ZNF578: variants seen among roughly 807,000 people sequenced by gnomAD.
ZNF578 encodes zinc finger protein 578, also known as Putative chemokine-related protein B42.
Under a neutral mutation model 8.3 loss-of-function variants are expected in ZNF578, and 8 were observed. The ratio of observed to expected loss-of-function variants is 0.96; its 90% CI spans 0.56 to 1.74. The LOEUF (loss-of-function observed/expected upper bound fraction) is 1.74, where lower values mean the gene tolerates loss of function less well. Ranked by LOEUF, ZNF578 falls within the 40% of genes most tolerant of loss-of-function variation. The pLI, the probability that ZNF578 is intolerant of heterozygous loss-of-function variation, is 0.00. For synonymous variants in ZNF578, 206 were observed against 232.2 expected (o/e 0.89, Z 1.03); for missense variants, 726 against 707.5 (o/e 1.03, Z -0.30).
At chr19:52,478,346 T>A (rs2059314520) in intron 2 of ZNF578, among the ~76,000 whole-genome samples, 1 of 152,200 alleles carries the variant, frequency 6.6e-6, no homozygotes, top group South Asian at 2.1e-4. Flanking sequence ...GGGCTATTTG[T>A]ATCGGGCCTT....
intron 2 of ZNF578, among the ~76,000 whole-genome samples, chr19:52,481,007 A>G (rs1350023681): frequency 6.6e-6 from 1 of 151,962 alleles, no homozygotes; most frequent in African/African-American, 2.4e-5. Flanking sequence ...CAGGATTTGC[A>G]GGGAATTGAG....
intron 4 of ZNF578, among the ~76,000 whole-genome samples, chr19:52,502,770 T>C (rs1315011233): frequency 3.3e-5 from 5 of 152,100 alleles, no homozygotes; most frequent in African/African-American, 1.2e-4. Flanking sequence ...AAGGTGTCGC[T>C]CTGTGGCTTA....
At chr19:52,479,352 G>A (rs754441614) in intron 2 of ZNF578, among the ~76,000 whole-genome samples, 43 of 151,928 alleles carry the variant, frequency 2.8e-4, no homozygotes, top group Admixed American at 3.9e-4. Context: ...TGGCTAATGC[G>A]GTGAAACCCC....
chr19:52,508,205 C>T (rs554530989), intron 5 of ZNF578, among the ~76,000 whole-genome samples: 7 of 151,288 alleles, frequency 4.6e-5, no homozygotes, highest in East Asian at 2.0e-4. Flanking sequence ...ATTTTCTGTG[C>T]GTGGTGGTGC....
chr19:52,459,749 G>A (rs78661613), intron 2 of ZNF578, among the ~76,000 whole-genome samples: 109 of 7,886 alleles, frequency 0.014, 2 homozygotes, highest in Middle Eastern at 0.1. Context: ...GTGTGTGTGT[G>A]TGTATATATA....
intron 2 of ZNF578, among the ~76,000 whole-genome samples, chr19:52,463,151 T>G (rs1019884916): frequency 3.9e-5 from 6 of 152,348 alleles, no homozygotes; most frequent in Admixed American, 3.3e-4. Flanking sequence ...TTGAGAATTA[T>G]AGGGGATACT....
At chr19:52,496,924 G>A (rs1036072422) in intron 3 of ZNF578, among the ~76,000 whole-genome samples, 43 of 150,766 alleles carry the variant, frequency 2.9e-4, no homozygotes, top group Admixed American at 5.3e-4. Context: ...GGCATGAGCC[G>A]CCGCGCCCAG....
At chr19:52,508,099 C>G (rs571056324) in intron 5 of ZNF578, among the ~76,000 whole-genome samples, 1 of 152,004 alleles carries the variant, frequency 6.6e-6, no homozygotes, top group Non-Finnish European at 1.5e-5. Flanking sequence ...GTAATCCCAG[C>G]ACTTTGGGAG....
intron 2 of ZNF578, among the ~76,000 whole-genome samples, chr19:52,477,275 T>C (rs544465603): frequency 1.3e-5 from 2 of 152,330 alleles, no homozygotes; most frequent in East Asian, 3.9e-4. Context: ...CTGGTGTTCC[T>C]GGGGTGAGGG....
intron 3 of ZNF578, among the ~76,000 whole-genome samples, chr19:52,497,237 T>C (rs2059390276): frequency 6.6e-6 from 1 of 152,198 alleles, no homozygotes; most frequent in South Asian, 2.1e-4. Flanking sequence ...GTAGCTGGGA[T>C]TACAGACGCC....
At chr19:52,492,061 G>C (rs898857493) in intron 3 of ZNF578, among the ~76,000 whole-genome samples, 2 of 149,060 alleles carry the variant, frequency 1.3e-5, no homozygotes, top group African/African-American at 4.9e-5. Flanking sequence ...CAAAGGCTGA[G>C]GCAGGAGAAT....
At chr19:52,488,776 G>A (rs1455665478) in intron 2 of ZNF578, among the ~76,000 whole-genome samples, 1 of 148,964 alleles carries the variant, frequency 6.7e-6, no homozygotes, top group Admixed American at 6.7e-5. Flanking sequence ...AGATTTAGAC[G>A]CCGTCTGAAA....
At chr19:52,508,924 T>C (rs1234026095) in intron 5 of ZNF578, among the ~76,000 whole-genome samples, 3 of 121,262 alleles carry the variant, frequency 2.5e-5, no homozygotes, top group Non-Finnish European at 4.9e-5. Context: ...TTTTTTGAGA[T>C]GGAGTCCTGC....
rs942434721 is a variant in ZNF578, at chr19:52,516,300, A to G, written c.*4146A>G. Among the ~76,000 whole-genome samples the G allele has an allele frequency of 6.6e-6, 1 of 152,122 alleles. No individual in the cohort carries two copies. The highest frequency in any genetic ancestry group is 1.5e-5 in the Non-Finnish European group (1 of 68,026). On this transcript the variant is annotated 3_prime_UTR_variant, in exon 6 of 6. Transcript: ENST00000421239. ...ATGAGCCACTGCAACCAGCCTCTGC[A>G]TGGGGTTTCCTCAACTTTAGGTCTG...
chr19:52,487,958 C>CA (rs1056242283), intron 2 of ZNF578, among the ~76,000 whole-genome samples: 1 of 150,148 alleles, frequency 6.7e-6, no homozygotes, highest in Non-Finnish European at 1.5e-5. Context: ...TAGCCCCCCC[C>CA]CCTTTTTTTT....
intron 2 of ZNF578, among the ~76,000 whole-genome samples, chr19:52,488,250 C>A (rs2059352503): frequency 6.6e-6 from 1 of 151,982 alleles, no homozygotes; most frequent in Non-Finnish European, 1.5e-5. Flanking sequence ...CATGCCCAGC[C>A]CATAGTAGTT....
chr19:52,462,256 T>C (rs2059260813), intron 2 of ZNF578, among the ~76,000 whole-genome samples: 1 of 152,196 alleles, frequency 6.6e-6, no homozygotes, highest in African/African-American at 2.4e-5. Flanking sequence ...TGGTCTTTGA[T>C]TATGACCTGA....
intron 5 of ZNF578, among the ~76,000 whole-genome samples, chr19:52,510,270 G>C (rs1386059610): frequency 1.3e-5 from 2 of 150,574 alleles, no homozygotes; most frequent in Non-Finnish European, 3.0e-5. Context: ...TATGTTTTTT[G>C]CAAACTGTGA....
In ZNF578 at chr19:52,477,523, C is replaced by T. The variant is rs556671711; in HGVS notation, c.-121-13801C>T. ...GGAACCGCATTGTAAGGTCCTTTCT[C>T]TCTTGAGATCTCACTGCATTCCTTT... On this transcript the variant is annotated intron_variant, in intron 2 of 5. Coordinates refer to ENST00000421239, the MANE Select transcript of ZNF578 (RefSeq NM_001099694.2). Among the ~76,000 whole-genome samples the T allele has an allele frequency of 2.0e-5, 3 of 152,010 alleles. No homozygotes were observed. The East Asian group carries it at 5.8e-4, about 29-fold the overall frequency.
Sources: allele counts gnomAD v4.1 joint callset (sites outside exome capture counted in the v4.1 genomes callset), GRCh38; gene constraint gnomAD v4.1.1; transcripts MANE v1.5; gene names NCBI Gene and HGNC (gene_info 2026-07-23, HGNC 2026-07-21).